FER: variants seen among roughly 807,000 people sequenced by gnomAD.
FER encodes FER tyrosine kinase, also known as tyrosine-protein kinase Fer.
Under a neutral mutation model 111.0 loss-of-function variants are expected in FER, and 63 were observed. That is an observed-to-expected ratio of 0.57 (90% confidence interval 0.46 to 0.70). The LOEUF is 0.70. Ranked by LOEUF, FER falls within the 30% of genes least tolerant of loss-of-function variation. The probability of loss-of-function intolerance (pLI) is 0.00; values close to 1 mark genes in which losing one functional copy is unlikely to be tolerated. For synonymous variants in FER, 327 were observed against 313.9 expected, an observed-to-expected ratio of 1.04 and a Z score of -0.44; for missense variants, 914 against 954.0, an observed-to-expected ratio of 0.96 and a Z score of 0.55.
rs868122548 is a variant in FER, at chr5:108,923,397, A to C, written c.1237-22733A>C. On this transcript the variant is annotated intron_variant, in intron 10 of 19. Coordinates refer to ENST00000281092, the MANE Select transcript of FER (RefSeq NM_005246.4). Reference sequence around the variant, plus strand: ...ATAAAGGGAGCCAAAGACTTTAAAGAAGGAGATGTTTATGTCAGAATTGTG... The same window carrying C: ...ATAAAGGGAGCCAAAGACTTTAAAGCAGGAGATGTTTATGTCAGAATTGTG... Among the ~76,000 whole-genome samples the C allele has an allele frequency of 7.2e-5, 11 of 152,260 alleles. 1 individual carries two copies. In the South Asian group the frequency reaches 1.7e-3, roughly 23 times the overall value.
intron 16 of FER, among the ~76,000 whole-genome samples, chr5:109,091,358 GT>G (rs1746725168): frequency 6.6e-6 from 1 of 152,194 alleles, no homozygotes; most frequent in African/African-American, 2.4e-5. Flanking sequence ...CCCAGGTGCT[GT>G]CCTCTGGAAA....
rs1484251052 is a variant in FER at position 108,832,827 on chromosome 5, G to A, written c.265G>A (p.Ala89Thr). The A allele has an allele frequency of 6.2e-7, 1 of 1,603,594 alleles. No individual in the cohort carries two copies. Among genetic ancestry groups the A allele is most frequent in the Non-Finnish European group, 8.5e-7 (1 of 1,174,954 alleles). The change falls in exon 4 of 20, where the codon GCA (alanine) becomes ACA (threonine). Residue 89 changes from alanine to threonine, a missense_variant. Around this residue, in one of 3 missense-constraint regions of FER, gnomAD observed 774 missense variants for 782.6 expected, o/e 0.99. Coordinates refer to ENST00000281092, the MANE Select transcript of FER (RefSeq NM_005246.4). ...EQLSRIMKTH[A>T]EDLNSGPLHR... Reference sequence around the variant, plus strand: ...ACTTAGTAGGATAATGAAGACACATGCAGAGGACTTGAACTCTGGACCTTT... The same window carrying A: ...ACTTAGTAGGATAATGAAGACACATACAGAGGACTTGAACTCTGGACCTTT...
rs182111088 is a variant in FER at position 109,175,658 on chromosome 5, G to A, written c.2049-5089G>A. On this transcript the variant is annotated intron_variant, in intron 17 of 19. Transcript: ENST00000281092. ...AAGGAAACAATCAGCATAGTGAAGA[G>A]ACAACCTGTAGAATGGAAGAAAATA... is the stretch of plus-strand genomic sequence containing the variant. Among the ~76,000 whole-genome samples the A allele has an allele frequency of 2.1e-3, 319 of 152,294 alleles. 1 individual carries two copies. Among genetic ancestry groups the A allele is most frequent in the African/African-American group, 7.3e-3 (304 of 41,558 alleles).
intron 5 of FER, among the ~76,000 whole-genome samples, chr5:108,864,592 C>T (rs938389023): frequency 2.0e-5 from 3 of 152,136 alleles, no homozygotes; most frequent in Non-Finnish European, 2.9e-5. Flanking sequence ...CCAGTTTTCC[C>T]AGCACCATTT....
chr5:108,778,997 C>T lies in FER; in HGVS notation c.-60+10759C>T, dbSNP rs573316139. Among the ~76,000 whole-genome samples the T allele has an allele frequency of 1.4e-3, 203 of 145,056 alleles. 1 individual carries two copies. Among genetic ancestry groups the T allele is most frequent in the African/African-American group, 4.7e-3 (187 of 39,416 alleles). On this transcript the variant is annotated intron_variant, in intron 2 of 19. Coordinates refer to ENST00000281092, the MANE Select transcript of FER (RefSeq NM_005246.4). Reference sequence around the variant, plus strand: ...TTAATTTTTGTGAAGTGTGTAAGATCTGTGTCTAGGCTCTTTTTTTTTTTT... The same window carrying T: ...TTAATTTTTGTGAAGTGTGTAAGATTTGTGTCTAGGCTCTTTTTTTTTTTT...
At chr5:109,024,385 T>C (rs1441773150) in intron 13 of FER, among the ~76,000 whole-genome samples, 1 of 152,120 alleles carries the variant, frequency 6.6e-6, no homozygotes, top group African/African-American at 2.4e-5. Flanking sequence ...TTCATAAGAC[T>C]ACCACCCTAT....
At chr5:108,984,332 TTAA>T (rs1474831955) in intron 13 of FER, among the ~76,000 whole-genome samples, 1 of 152,092 alleles carries the variant, frequency 6.6e-6, no homozygotes, top group East Asian at 1.9e-4. Flanking sequence ...ATTAGTCAAG[TTAA>T]TAATAGCTCA....
intron 10 of FER, among the ~76,000 whole-genome samples, chr5:108,940,172 T>G (rs1368904463): frequency 6.6e-6 from 1 of 152,088 alleles, no homozygotes; most frequent in Non-Finnish European, 1.5e-5. Flanking sequence ...AATGTAGCCT[T>G]TAACTGTGTA....
At chr5:108,793,399 C>T (rs1426605053) in intron 2 of FER, among the ~76,000 whole-genome samples, 1 of 151,958 alleles carries the variant, frequency 6.6e-6, no homozygotes, top group Non-Finnish European at 1.5e-5. Flanking sequence ...TTTATTCATT[C>T]ATCTGTTGAT....
chr5:109,186,434 G>A, intron 19 of FER, 112 bp downstream of exon 19: 1 of 1,500,616 alleles, frequency 6.7e-7, no homozygotes, highest in Non-Finnish European at 9.2e-7. Flanking sequence ...GTTGTGTTAT[G>A]AGACCATCTC....
In FER at chr5:108,894,997, G is replaced by A. The variant is rs534971165; in HGVS notation, c.1047-2662G>A. ...TCGGGCTATTCAGGTTCCCAGTGAG[G>A]ATTAGAGAAAATGGATTGTTGTAGT... On this transcript the variant is annotated intron_variant, in intron 9 of 19. Transcript: ENST00000281092. Among the ~76,000 whole-genome samples, 5 of 152,248 alleles carry A rather than the reference G, an allele frequency of 3.3e-5. No homozygotes were observed. In the South Asian group the frequency reaches 1.0e-3, roughly 32 times the overall value.
chr5:109,063,868 T>C (rs1461780291), intron 16 of FER, among the ~76,000 whole-genome samples: 3 of 152,092 alleles, frequency 2.0e-5, no homozygotes, highest in African/African-American at 7.2e-5. Context: ...GGAGAATGAG[T>C]ACTTTTTTTC....
intron 13 of FER, among the ~76,000 whole-genome samples, chr5:109,013,039 G>C (rs562774065): frequency 5.3e-5 from 8 of 150,566 alleles, no homozygotes; most frequent in Admixed American, 1.3e-4. Context: ...TTTGGCTTTA[G>C]TGTTATCATT....
intron 2 of FER, among the ~76,000 whole-genome samples, chr5:108,780,757 C>A (rs1486604285): frequency 6.6e-6 from 1 of 151,614 alleles, no homozygotes; most frequent in Non-Finnish European, 1.5e-5. Context: ...TTTGGTATTC[C>A]CATTACATGT....
chr5:108,788,743 T>C (rs1360961356), intron 2 of FER, among the ~76,000 whole-genome samples: 3 of 152,164 alleles, frequency 2.0e-5, no homozygotes. Flanking sequence ...ACTCTTGAAT[T>C]TGGATTTTTA....
At chr5:108,921,782 A>G (rs964721452) in intron 10 of FER, among the ~76,000 whole-genome samples, 1 of 152,212 alleles carries the variant, frequency 6.6e-6, no homozygotes, top group Non-Finnish European at 1.5e-5. Flanking sequence ...CAGGTTTAAA[A>G]TCAGAAATCA....
chr5:109,161,269 T>C (rs1487592447), intron 17 of FER, among the ~76,000 whole-genome samples: 1 of 141,962 alleles, frequency 7.0e-6, no homozygotes, highest in African/African-American at 2.4e-5. Flanking sequence ...TCTTGAAATA[T>C]TATTTTAAGT....
chr5:109,070,274 A>T (rs1408485638), intron 16 of FER, among the ~76,000 whole-genome samples: 1 of 152,056 alleles, frequency 6.6e-6, no homozygotes, highest in Non-Finnish European at 1.5e-5. Context: ...ATGAAAGAGC[A>T]TAAGACATGC....
At position 108,973,033 on chromosome 5, in the gene FER, A is replaced by G. The variant is rs528812046; in HGVS notation, c.1656+13686A>G. Among the ~76,000 whole-genome samples the G allele has an allele frequency of 2.6e-5, 4 of 152,284 alleles. No individual in the cohort carries two copies. The South Asian group carries it at 8.3e-4, about 32-fold the overall frequency. On this transcript the variant is annotated intron_variant, in intron 13 of 19. Transcript: ENST00000281092. ...TCTGTATTTTATACTACGGCAAACTATATCTAATTGTTTCCATTAAATTTA... is the reference window on the plus strand; with the variant it reads ...TCTGTATTTTATACTACGGCAAACTGTATCTAATTGTTTCCATTAAATTTA...
Sources: allele counts gnomAD v4.1 joint callset (sites outside exome capture counted in the v4.1 genomes callset), GRCh38; gene constraint gnomAD v4.1.1; regional missense constraint gnomAD v4.1.1; transcripts MANE v1.5; gene names NCBI Gene and HGNC (gene_info 2026-07-23, HGNC 2026-07-21).